Variants in INSYN2B observed in about 807,000 individuals in gnomAD.
INSYN2B encodes protein INSYN2B.
In INSYN2B, 16 loss-of-function variants were observed where a neutral mutation model predicts 41.2. The observed-to-expected ratio is 0.39, with a 90% CI of 0.26 to 0.59. INSYN2B has a LOEUF of 0.59. Among genes scored for constraint, INSYN2B ranks in the 20% least tolerant of loss-of-function variants. INSYN2B has a pLI of 0.57. For synonymous variants in INSYN2B, 245 were observed against 244.4 expected, an observed-to-expected ratio of 1.00 and a Z score of -0.02; for missense variants, 608 against 646.4, an observed-to-expected ratio of 0.94 and a Z score of 0.64.
intron 1 of INSYN2B, among the ~76,000 whole-genome samples, chr5:169,955,899 C>T: frequency 6.6e-6 from 1 of 152,162 alleles, no homozygotes; most frequent in East Asian, 1.9e-4. Flanking sequence ...GCTCATTGTA[C>T]TGCTCAAGTC....
intron 1 of INSYN2B, among the ~76,000 whole-genome samples, chr5:169,902,973 C>A (rs1246285089): frequency 6.6e-6 from 1 of 152,094 alleles, no homozygotes; most frequent in Non-Finnish European, 1.5e-5. Context: ...TGGCACATGC[C>A]TGTAGTCCCA....
At chr5:169,934,887 A>G in intron 1 of INSYN2B, 1 of 357,606 alleles carries the variant, frequency 2.8e-6, no homozygotes, top group East Asian at 7.6e-5. Context: ...ACCACCTTAC[A>G]CTTGATATTT....
intron 1 of INSYN2B, among the ~76,000 whole-genome samples, chr5:169,978,696 C>T (rs942245382): frequency 6.6e-6 from 1 of 152,068 alleles, no homozygotes; most frequent in Non-Finnish European, 1.5e-5. Flanking sequence ...GACCTCCCTA[C>T]GTCCCGAAGG....
At chr5:169,873,239 A>C (rs1291833417) in intron 3 of INSYN2B, among the ~76,000 whole-genome samples, 1 of 152,232 alleles carries the variant, frequency 6.6e-6, no homozygotes, top group African/African-American at 2.4e-5. Flanking sequence ...AAAGCCATTC[A>C]AGAGAATCAG....
At chr5:169,910,440 T>C (rs1321530867) in intron 1 of INSYN2B, among the ~76,000 whole-genome samples, 1 of 152,156 alleles carries the variant, frequency 6.6e-6, no homozygotes, top group Non-Finnish European at 1.5e-5. Context: ...CTCTTAACTT[T>C]TTAAAAAAAG....
chr5:169,934,500 T>C (rs1293364497), intron 1 of INSYN2B, among the ~76,000 whole-genome samples: 4 of 152,324 alleles, frequency 2.6e-5, no homozygotes, highest in African/African-American at 9.6e-5. Context: ...TGCTAGGAGA[T>C]GGAATGCTTA....
At chr5:169,905,176 G>T (rs1581393430) in intron 1 of INSYN2B, among the ~76,000 whole-genome samples, 1 of 152,194 alleles carries the variant, frequency 6.6e-6, no homozygotes, top group East Asian at 1.9e-4. Context: ...ACACAAGTGG[G>T]TGAAGCCAGC....
intron 1 of INSYN2B, among the ~76,000 whole-genome samples, chr5:169,901,534 G>A (rs1435054077): frequency 1.3e-5 from 2 of 152,096 alleles, no homozygotes; most frequent in African/African-American, 4.8e-5. Context: ...ACTGGATGGG[G>A]CAAAAGTGGA....
chr5:169,883,647 G>A lies in INSYN2B; in HGVS notation c.252C>T (p.Pro84=), dbSNP rs1234187186. 1.3e-6 allele frequency: 2 copies of A among 1,551,256 alleles called. No homozygotes were observed. Among genetic ancestry groups the A allele is most frequent in the Non-Finnish European group, 1.7e-6 (2 of 1,146,734 alleles). ...GAAAGCCCCCTGCCTTCTGGGACCTGGGGAAGGAGAGCGAGTAGGTGGGGG... is the reference window on the plus strand; with the variant it reads ...GAAAGCCCCCTGCCTTCTGGGACCTAGGGAAGGAGAGCGAGTAGGTGGGGG... ...HLPPTYSLSF[P]RSQKAGGFRN... Residue 84 remains proline, a synonymous_variant, in exon 2 of 4, where the codon CCC becomes CCT. Transcript: ENST00000377365.
chr5:169,966,996 G>A (rs1024709147), intron 1 of INSYN2B, among the ~76,000 whole-genome samples: 4 of 152,242 alleles, frequency 2.6e-5, no homozygotes, highest in African/African-American at 9.6e-5. Context: ...TCTTCCATCT[G>A]AGACCATATT....
chr5:169,921,483 A>C (rs1775172367), intron 1 of INSYN2B, among the ~76,000 whole-genome samples: 1 of 152,246 alleles, frequency 6.6e-6, no homozygotes, highest in Admixed American at 6.5e-5. Context: ...CATTCCATGG[A>C]ACACTAAGCA....
At chr5:169,954,919 G>T (rs905287292) in intron 1 of INSYN2B, among the ~76,000 whole-genome samples, 1 of 152,180 alleles carries the variant, frequency 6.6e-6, no homozygotes. Flanking sequence ...ATGAGCAGAC[G>T]TTTTCACCAG....
intron 2 of INSYN2B, 151 bp downstream of exon 2, chr5:169,882,402 A>G (rs1772708120): frequency 1.6e-6 from 1 of 636,180 alleles, no homozygotes. Flanking sequence ...CATTAGAGAA[A>G]AGGGAGGTCT....
intron 1 of INSYN2B, among the ~76,000 whole-genome samples, chr5:169,959,794 T>C (rs1777010071): frequency 6.6e-6 from 1 of 152,134 alleles, no homozygotes; most frequent in Admixed American, 6.5e-5. Context: ...CTAGAAGTAG[T>C]TCTGTGGAAA....
At chr5:169,919,274 C>T (rs1049436747) in intron 1 of INSYN2B, among the ~76,000 whole-genome samples, 10 of 152,148 alleles carry the variant, frequency 6.6e-5, no homozygotes, top group Non-Finnish European at 1.2e-4. Flanking sequence ...AGGTGGGGCC[C>T]AAATGAGTCT....
chr5:169,868,483 G>A (rs59272885), intron 3 of INSYN2B, among the ~76,000 whole-genome samples: 303 of 152,310 alleles, frequency 2.0e-3, no homozygotes, highest in Middle Eastern at 0.01. Flanking sequence ...AATAGGCTGG[G>A]CGCAGTGGCT....
chr5:169,904,204 G>A (rs1478360641), intron 1 of INSYN2B, among the ~76,000 whole-genome samples: 1 of 151,998 alleles, frequency 6.6e-6, no homozygotes, highest in East Asian at 1.9e-4. Flanking sequence ...CTAGCCTTTG[G>A]CAAGAAGCCT....
intron 1 of INSYN2B, among the ~76,000 whole-genome samples, chr5:169,969,317 C>A (rs1260299607): frequency 6.6e-6 from 1 of 151,704 alleles, no homozygotes; most frequent in African/African-American, 2.4e-5. Flanking sequence ...TGGTGTGGGG[C>A]ACTTGTAATC....
chr5:169,935,552 A>G (rs1775949512), intron 1 of INSYN2B, among the ~76,000 whole-genome samples: 1 of 152,164 alleles, frequency 6.6e-6, no homozygotes, highest in Admixed American at 6.5e-5. Context: ...GGAGACTATT[A>G]AGAAGCCAGC....
Sources: allele counts gnomAD v4.1 joint callset (sites outside exome capture counted in the v4.1 genomes callset), GRCh38; gene constraint gnomAD v4.1.1; transcripts MANE v1.5; gene names NCBI Gene and HGNC (gene_info 2026-07-23, HGNC 2026-07-21).